The following MDM4 variants were observed in gnomAD, a reference collection of about 807,000 sequenced individuals.
MDM4 encodes the protein MDM4 regulator of p53, also known as protein Mdm4.
In MDM4, 2 loss-of-function variants were observed where a neutral mutation model predicts 60.2. The observed-to-expected ratio is 0.03, with a 90% CI of 0.01 to 0.10. MDM4 has a LOEUF of 0.10. Ranked by LOEUF, MDM4 falls within the 10% of genes least tolerant of loss-of-function variation. The pLI is 1.00. For missense variants in MDM4, 447 were observed against 577.5 expected (o/e 0.77, Z 2.32); for synonymous variants, 202 against 198.1 (o/e 1.02, Z -0.17).
chr1:204,528,152 A>C (rs867508013), intron 3 of MDM4, among the ~76,000 whole-genome samples: 1 of 151,890 alleles, frequency 6.6e-6, no homozygotes, highest in African/African-American at 2.4e-5. Flanking sequence ...AAATGAAAAA[A>C]ATGCAAATTA....
intron 3 of MDM4, 32 bp downstream of exon 3, chr1:204,526,466 T>TG (rs748903702): frequency 5.2e-5 from 76 of 1,474,438 alleles, no homozygotes; most frequent in South Asian, 1.5e-4. Flanking sequence ...TCATTTTTTT[T>TG]GTTTTTTTTT....
At chr1:204,517,470 C>T (rs1659103120) in intron 1 of MDM4, among the ~76,000 whole-genome samples, 1 of 151,868 alleles carries the variant, frequency 6.6e-6, no homozygotes, top group South Asian at 2.1e-4. Context: ...GTGGCGCGAT[C>T]TTGGCTCACT....
intron 10 of MDM4, 38 bp downstream of exon 10, chr1:204,546,915 C>T (rs780558073): frequency 5.4e-6 from 7 of 1,285,342 alleles, no homozygotes; most frequent in Non-Finnish European, 7.9e-6. Context: ...GCACCAGCCC[C>T]ATCTTCAGAT....
At chr1:204,522,629 C>G (rs1659680332) in intron 1 of MDM4, among the ~76,000 whole-genome samples, 2 of 151,976 alleles carry the variant, frequency 1.3e-5, no homozygotes, top group Admixed American at 6.6e-5. Context: ...CTCTTGACCT[C>G]ATGATCTGCC....
intron 10 of MDM4, 117 bp downstream of exon 10, chr1:204,546,994 A>C (rs1662730573): frequency 1.8e-6 from 1 of 545,556 alleles, no homozygotes; most frequent in Non-Finnish European, 3.2e-6. Flanking sequence ...TCCCTTGCCT[A>C]GTTGCTAAGT....
At chr1:204,525,683 G>A (rs2102316242) in intron 2 of MDM4, 87 bp downstream of exon 2, 2 of 905,282 alleles carry the variant, frequency 2.2e-6, no homozygotes, top group South Asian at 3.2e-5. Flanking sequence ...TGTAATCCCA[G>A]CACTTTGAGA....
intron 10 of MDM4, 68 bp downstream of exon 10, chr1:204,546,945 A>C: frequency 6.9e-6 from 7 of 1,015,284 alleles, no homozygotes; most frequent in African/African-American, 1.6e-5. Context: ...CCAGCAGTTC[A>C]CTTGTGTTGA....
At chr1:204,521,793 A>G (rs1460175000) in intron 1 of MDM4, among the ~76,000 whole-genome samples, 1 of 152,184 alleles carries the variant, frequency 6.6e-6, no homozygotes, top group African/African-American at 2.4e-5. Flanking sequence ...AGATTTAGAC[A>G]CTGGAAATGT....
rs746941519 is a variant in MDM4 at position 204,542,820 on chromosome 1, C to T, written c.548C>T (p.Thr183Ile). ...DLIENLAQDE[T>I]SRLDLGFEEW... ...ATTGAAAATTTAGCCCAAGATGAAACATCTAGGCTGGACCTTGGATTTGAG... is the reference window on the plus strand; with the variant it reads ...ATTGAAAATTTAGCCCAAGATGAAATATCTAGGCTGGACCTTGGATTTGAG... Residue 183 changes from threonine to isoleucine, a missense_variant, in exon 8 of 11, where the codon ACA becomes ATA. Thr to Ile is a moderately conservative substitution (Grantham distance 89). Coordinates refer to ENST00000367182, the MANE Select transcript of MDM4 (RefSeq NM_002393.5). The T allele has an allele frequency of 6.2e-7, 1 of 1,613,576 alleles. No homozygotes were observed. Among genetic ancestry groups the T allele is most frequent in the East Asian group, 2.2e-5 (1 of 44,854 alleles).
At chr1:204,544,848 A>G (rs1662491041) in intron 9 of MDM4, among the ~76,000 whole-genome samples, 164 bp downstream of exon 9, 1 of 152,196 alleles carries the variant, frequency 6.6e-6, no homozygotes, top group Non-Finnish European at 1.5e-5. Flanking sequence ...AGTAATGTTA[A>G]CCAGGGCTGC....
intron 3 of MDM4, among the ~76,000 whole-genome samples, chr1:204,527,086 G>T (rs956199079): frequency 7.3e-5 from 11 of 150,982 alleles, no homozygotes; most frequent in African/African-American, 2.4e-4. Flanking sequence ...CATGAACCCA[G>T]GATTTTGAGA....
In MDM4 at chr1:204,550,900, G is replaced by A. The variant is rs896893801; in HGVS notation, c.*1218G>A. 1 of 180,936 alleles carries A rather than the reference G, an allele frequency of 5.5e-6. No homozygotes were observed. Among genetic ancestry groups the A allele is most frequent in the Non-Finnish European group, 1.2e-5 (1 of 84,656 alleles). The allele number at this position is 180,936 out of a possible 1,614,324, so 11.2% of individuals were successfully genotyped here. ...TGATTAAATTTATAGAAAAAGTCCT[G>A]TCATATAAACTGGCAAAGTCTGTTC... On this transcript the variant is annotated 3_prime_UTR_variant, in exon 11 of 11. Transcript: ENST00000367182.
chr1:204,544,795 T>C, intron 9 of MDM4, 111 bp downstream of exon 9: 1 of 977,522 alleles, frequency 1.0e-6, no homozygotes. Context: ...ATCCCCTTTT[T>C]AACTTTAATT....
In MDM4 at chr1:204,555,035, T is replaced by G. The variant is rs1318117571; in HGVS notation, c.*5353T>G. The stretch of plus-strand genomic sequence containing the variant: ...AGGCATGTCTGCAGAAAGAGATAGC[T>G]AATATTTTTTGGTACTTTATCTGAA... On this transcript the variant is annotated 3_prime_UTR_variant, in exon 11 of 11. Transcript: ENST00000367182. 4.6e-6 allele frequency: 1 copy of G among 218,892 alleles called. No homozygotes were observed. Among genetic ancestry groups the G allele is most frequent in the East Asian group, 6.7e-5 (1 of 14,928 alleles). The allele number at this position is 218,892 out of a possible 1,614,324, so 13.6% of individuals were successfully genotyped here. A position where few individuals can be genotyped will look rare whatever the true frequency, so the allele number is the denominator to read the frequency against.
rs1390810333 is a variant in MDM4 at position 204,555,542 on chromosome 1, T to C, written c.*5860T>C. 5.8e-6 allele frequency: 1 copy of C among 173,322 alleles called. No individual in the cohort carries two copies. Among genetic ancestry groups the C allele is most frequent in the Non-Finnish European group, 1.2e-5 (1 of 80,008 alleles). 10.7% of individuals were successfully genotyped at this position (173,322 alleles called of 1,614,324 possible). A position where few individuals can be genotyped will look rare whatever the true frequency, so the allele number is the denominator to read the frequency against. On this transcript the variant is annotated 3_prime_UTR_variant, in exon 11 of 11. Coordinates refer to ENST00000367182, the MANE Select transcript of MDM4 (RefSeq NM_002393.5). ...AAGAGCAATTCCTCTTTCAGAGCAG[T>C]TGCTGTAATTTGGCAAATGCTTTAT... is the stretch of plus-strand genomic sequence containing the variant.
chr1:204,551,220 A>G lies in MDM4; in HGVS notation c.*1538A>G. On this transcript the variant is annotated 3_prime_UTR_variant, in exon 11 of 11. Transcript: ENST00000367182. ...ACCACCATGCCCAGCTGAATTTTGT[A>G]TTTTTTGTACAGACAGCATTTTGCC... 1 of 209,032 alleles carries G rather than the reference A, an allele frequency of 4.8e-6. No homozygotes were observed. The highest frequency in any genetic ancestry group is 9.7e-6 in the Non-Finnish European group (1 of 103,172). 12.9% of individuals were successfully genotyped at this position (209,032 alleles called of 1,614,324 possible). A position where few individuals can be genotyped will look rare whatever the true frequency, so the allele number is the denominator to read the frequency against.
In MDM4 at chr1:204,554,453, T is replaced by C. The variant is rs1297547710; in HGVS notation, c.*4771T>C. ...ATGCTACCTTTGCTAAAAATGGCCA[T>C]AGATTAGGAACTAGCTATGTTTTTA... On this transcript the variant is annotated 3_prime_UTR_variant, in exon 11 of 11. Transcript: ENST00000367182. The C allele has an allele frequency of 2.2e-5, 5 of 223,048 alleles. No homozygotes were observed. In the East Asian group the frequency reaches 3.3e-4, roughly 15 times the overall value. The allele number at this position is 223,048 out of a possible 1,614,324, so 13.8% of individuals were successfully genotyped here.
At chr1:204,539,410 A>G (rs561722426) in intron 7 of MDM4, among the ~76,000 whole-genome samples, 137 of 152,336 alleles carry the variant, frequency 9.0e-4, no homozygotes, top group Admixed American at 1.7e-3. Context: ...AGCATTCTCA[A>G]TTTGAAAGAT....
intron 1 of MDM4, among the ~76,000 whole-genome samples, chr1:204,516,781 TTG>T (rs1321485402): frequency 6.6e-5 from 10 of 152,182 alleles, no homozygotes; most frequent in African/African-American, 1.9e-4. Flanking sequence ...CGTAGTTGGA[TTG>T]AGTTTAACTG....
Sources: allele counts gnomAD v4.1 joint callset (sites outside exome capture counted in the v4.1 genomes callset), GRCh38; gene constraint gnomAD v4.1.1; transcripts MANE v1.5; gene names NCBI Gene and HGNC (gene_info 2026-07-23, HGNC 2026-07-21).